FAM221A: variants seen among roughly 807,000 people sequenced by gnomAD.
FAM221A encodes the protein family with sequence similarity 221 member A.
Under a neutral mutation model 37.6 loss-of-function variants are expected in FAM221A, and 43 were observed. The observed-to-expected ratio is 1.15, with a 90% CI of 0.90 to 1.48. The LOEUF (loss-of-function observed/expected upper bound fraction) is 1.48. FAM221A is among the 40% of genes most tolerant of loss of function. FAM221A has a pLI of 0.00. For synonymous variants in FAM221A, 135 were observed against 132.9 expected, an observed-to-expected ratio of 1.02 and a Z score of -0.11; for missense variants, 361 against 361.5, an observed-to-expected ratio of 1.00 and a Z score of 0.01.
At chr7:23,690,199 A>ATATATATATATAT (rs774313037) in intron 3 of FAM221A, among the ~76,000 whole-genome samples, 547 of 48,604 alleles carry the variant, frequency 0.011, 9 homozygotes, top group Non-Finnish European at 0.014. Context: ...ATATATATAT[A>ATATATATATATAT]TTTTTTTTTT....
chr7:23,682,096 C>T (rs542312970), intron 1 of FAM221A, among the ~76,000 whole-genome samples: 5 of 152,102 alleles, frequency 3.3e-5, no homozygotes, highest in East Asian at 1.9e-4. Flanking sequence ...TTTAGAGTCT[C>T]GCTCTGTCAC....
chr7:23,685,256 GCAAAACAAAACAAAACAAAA>G (rs58823921), intron 2 of FAM221A, among the ~76,000 whole-genome samples: 1,757 of 148,852 alleles, frequency 0.012, 31 homozygotes, highest in African/African-American at 0.027. Context: ...TCAAAACAAA[GCAAAACAAAACAAAACAAAA>G]CAAAACAAAA....
chr7:23,685,972 G>T (rs1416587139), intron 2 of FAM221A, among the ~76,000 whole-genome samples: 2 of 152,190 alleles, frequency 1.3e-5, no homozygotes, highest in Admixed American at 1.3e-4. Context: ...CTTTCACAGA[G>T]ACTCTTTGTA....
chr7:23,684,471 T>G lies in FAM221A; in HGVS notation c.66-28T>G, dbSNP rs200205929. 9.1e-5 allele frequency: 141 copies of G among 1,549,986 alleles called. No homozygotes were observed. The East Asian group carries it at 2.6e-3, about 28-fold the overall frequency. ...CACCCAGAAAATAAATACTCAAAGCTTAAGAGAAATATATATTTTTGTTGT... is the reference window on the plus strand; with the variant it reads ...CACCCAGAAAATAAATACTCAAAGCGTAAGAGAAATATATATTTTTGTTGT... On this transcript the variant is annotated intron_variant, in intron 1 of 6. Coordinates refer to ENST00000344962, the MANE Select transcript of FAM221A (RefSeq NM_199136.5).
chr7:23,698,289 G>A lies in FAM221A; in HGVS notation c.735G>A (p.Thr245=), dbSNP rs1210571452. The A allele has an allele frequency of 6.5e-6, 10 of 1,534,644 alleles. No homozygotes were observed. The highest frequency in any genetic ancestry group is 3.7e-5 in the Admixed American group (2 of 54,302). Residue 245 remains threonine, a synonymous_variant, in exon 5 of 7, where the codon ACG becomes ACA. Coordinates refer to ENST00000344962, the MANE Select transcript of FAM221A (RefSeq NM_199136.5). ...FQASSSSSPE[T]LTDVGTSSQV... is the part of the protein sequence containing the mutation. ...CATCATCTAGTTCTTCTCCAGAAACGTTAACAGATGGTAATGAAATGAAGT... is the reference window on the plus strand; with the variant it reads ...CATCATCTAGTTCTTCTCCAGAAACATTAACAGATGGTAATGAAATGAAGT...
chr7:23,684,394 A>AGGCCTGCC, intron 1 of FAM221A, 105 bp from the exon 2 acceptor site: 124 of 650,104 alleles, frequency 1.9e-4, no homozygotes, highest in Non-Finnish European at 2.8e-4. Context: ...ACAGATTTAC[A>AGGCCTGCC]AAATAAAAGC....
At chr7:23,685,574 G>T (rs990572432) in intron 2 of FAM221A, among the ~76,000 whole-genome samples, 2 of 152,200 alleles carry the variant, frequency 1.3e-5, no homozygotes, top group African/African-American at 4.8e-5. Context: ...CACTGATCAT[G>T]CTGTCCATCT....
At chr7:23,696,488 T>G (rs1785068617) in intron 4 of FAM221A, among the ~76,000 whole-genome samples, 2 of 152,142 alleles carry the variant, frequency 1.3e-5, no homozygotes, top group Admixed American at 1.3e-4. Context: ...CACCTGAGCT[T>G]TGGATGCAGA....
At chr7:23,686,363 A>G in intron 2 of FAM221A, 1 of 387,226 alleles carries the variant, frequency 2.6e-6, no homozygotes, top group South Asian at 1.8e-5. Context: ...TCCTGGGCTC[A>G]AGCGATCCTT....
At chr7:23,691,694 T>C in intron 4 of FAM221A, 98 bp downstream of exon 4, 2 of 1,056,286 alleles carry the variant, frequency 1.9e-6, no homozygotes. Flanking sequence ...ATAGTATTTT[T>C]CTTTCAGAAA....
intron 4 of FAM221A, 50 bp from the exon 5 acceptor site, chr7:23,698,142 T>G: frequency 2.1e-6 from 2 of 933,394 alleles, no homozygotes; most frequent in South Asian, 2.8e-5. Context: ...ATAACTTGTT[T>G]GTATCCCTGT....
chr7:23,698,639 A>G (rs1279008945), intron 5 of FAM221A, among the ~76,000 whole-genome samples: 2 of 152,220 alleles, frequency 1.3e-5, no homozygotes, highest in Non-Finnish European at 2.9e-5. Context: ...AAGAGGCGTA[A>G]TCCAGTGATA....
chr7:23,690,189 A>T (rs1784638717), intron 3 of FAM221A, among the ~76,000 whole-genome samples: 1 of 55,334 alleles, frequency 1.8e-5, no homozygotes, highest in African/African-American at 5.8e-5. Context: ...ATATATATAT[A>T]TATATATATA....
chr7:23,699,200 C>T (rs1021112091), intron 5 of FAM221A, among the ~76,000 whole-genome samples: 1 of 151,088 alleles, frequency 6.6e-6, no homozygotes, highest in Non-Finnish European at 1.5e-5. Flanking sequence ...TCACTGTTAC[C>T]TTGAACTCCA....
intron 1 of FAM221A, among the ~76,000 whole-genome samples, chr7:23,681,417 ATTAT>A (rs1474094881): frequency 2.6e-5 from 4 of 152,066 alleles, no homozygotes; most frequent in Admixed American, 6.6e-5. Flanking sequence ...TTATTGAGAA[ATTAT>A]TTAGTTATTT....
intron 3 of FAM221A, among the ~76,000 whole-genome samples, chr7:23,690,899 C>T (rs1252856742): frequency 6.6e-6 from 1 of 152,188 alleles, no homozygotes; most frequent in Admixed American, 6.5e-5. Context: ...TGGCTTCTTT[C>T]ATTTAGCATG....
chr7:23,682,114 G>A (rs2128032458), intron 1 of FAM221A, among the ~76,000 whole-genome samples: 1 of 152,166 alleles, frequency 6.6e-6, no homozygotes, highest in South Asian at 2.1e-4. Flanking sequence ...CACCCAGGCT[G>A]GAGTGCAGTG....
intron 3 of FAM221A, among the ~76,000 whole-genome samples, chr7:23,690,726 A>G (rs773859086): frequency 3.3e-5 from 5 of 152,102 alleles, no homozygotes; most frequent in Non-Finnish European, 7.4e-5. Context: ...ATTTCAGAAC[A>G]TTTTTCTCAC....
chr7:23,682,432 TATTATTA>T (rs1466984350), intron 1 of FAM221A, among the ~76,000 whole-genome samples: 10 of 72,080 alleles, frequency 1.4e-4, no homozygotes, highest in African/African-American at 8.9e-5. Flanking sequence ...TTATTATTAT[TATTATTA>T]TTTTTTTTTT....
Sources: allele counts gnomAD v4.1 joint callset (sites outside exome capture counted in the v4.1 genomes callset), GRCh38; gene constraint gnomAD v4.1.1; transcripts MANE v1.5; gene names NCBI Gene and HGNC (gene_info 2026-07-23, HGNC 2026-07-21).